The following EXOC4 variants were observed in gnomAD, a reference collection of about 807,000 sequenced individuals.
The protein encoded by EXOC4 is exocyst complex component 4.
EXOC4 carries 71 observed loss-of-function variants against 107.2 expected under a neutral mutation model. That is an observed-to-expected ratio of 0.66 (90% CI 0.55 to 0.81). The LOEUF (loss-of-function observed/expected upper bound fraction) is 0.81, where lower values mean the gene tolerates loss of function less well. EXOC4 is among the 30% of genes least tolerant of loss of function. The pLI is 0.00. For synonymous variants in EXOC4, 456 were observed against 441.2 expected (o/e 1.03, Z -0.42); for missense variants, 1,108 against 1,189.6 (o/e 0.93, Z 1.01).
chr7:133,866,848 C>G (rs1297319124), intron 11 of EXOC4, among the ~76,000 whole-genome samples: 2 of 152,166 alleles, frequency 1.3e-5, no homozygotes, highest in South Asian at 4.1e-4. Context: ...CTAACACATC[C>G]CATTTAAAAC....
intron 2 of EXOC4, among the ~76,000 whole-genome samples, chr7:133,279,883 T>C: frequency 6.6e-6 from 1 of 152,208 alleles, no homozygotes; most frequent in East Asian, 1.9e-4. Context: ...AGATTCTATG[T>C]TTTTGAGGAT....
chr7:133,535,656 A>C (rs768431752), intron 9 of EXOC4, among the ~76,000 whole-genome samples: 5 of 152,210 alleles, frequency 3.3e-5, no homozygotes, highest in Non-Finnish European at 7.3e-5. Flanking sequence ...TTTTTAAAGC[A>C]ATATCAACTC....
intron 17 of EXOC4, among the ~76,000 whole-genome samples, chr7:134,051,090 G>A (rs1434205435): frequency 6.6e-6 from 1 of 152,216 alleles, no homozygotes; most frequent in Non-Finnish European, 1.5e-5. Context: ...GGTTTTGCAA[G>A]CTAGTTCCGT....
intron 11 of EXOC4, among the ~76,000 whole-genome samples, chr7:133,851,140 T>A (rs921898438): frequency 1.3e-5 from 2 of 152,150 alleles, no homozygotes; most frequent in Admixed American, 6.5e-5. Flanking sequence ...CTGTTCTCCT[T>A]TGGGCACTAT....
the EXOC4 span, among the ~76,000 whole-genome samples, chr7:134,088,596 A>C: frequency 1.3e-5 from 2 of 152,188 alleles, no homozygotes; most frequent in South Asian, 4.1e-4. Context: ...TCAGTTCTCC[A>C]TGAGAGTTCT....
At chr7:133,711,867 G>GTTTA (rs1178554591) in intron 10 of EXOC4, among the ~76,000 whole-genome samples, 3 of 151,936 alleles carry the variant, frequency 2.0e-5, no homozygotes, top group Non-Finnish European at 4.4e-5. Context: ...ATGCCTTCCT[G>GTTTA]TTTATTTATT....
chr7:133,679,895 G>T (rs1423697575), intron 10 of EXOC4, among the ~76,000 whole-genome samples: 17 of 152,216 alleles, frequency 1.1e-4, no homozygotes. Context: ...GGAAAAGAAG[G>T]TTTAGAGTGG....
chr7:133,530,143 C>G (rs1047394581), intron 9 of EXOC4, among the ~76,000 whole-genome samples: 28 of 152,314 alleles, frequency 1.8e-4, no homozygotes, highest in Middle Eastern at 3.4e-3. Flanking sequence ...CTACGCTACA[C>G]TGCCGAGGAA....
At chr7:133,605,742 A>G (rs1332152701) in intron 9 of EXOC4, among the ~76,000 whole-genome samples, 1 of 152,104 alleles carries the variant, frequency 6.6e-6, no homozygotes, top group Non-Finnish European at 1.5e-5. Context: ...TTCAGGAGAG[A>G]GGTCTGGGCT....
At chr7:133,923,694 A>T (rs73156939) in intron 13 of EXOC4, among the ~76,000 whole-genome samples, 18,184 of 152,134 alleles carry the variant, frequency 0.12, 1,185 homozygotes, top group Middle Eastern at 0.15. Context: ...ATCTTCTCCC[A>T]CTGTACAGGC....
chr7:133,671,655 G>A (rs1405492120), intron 10 of EXOC4, among the ~76,000 whole-genome samples: 1 of 152,136 alleles, frequency 6.6e-6, no homozygotes, highest in African/African-American at 2.4e-5. Context: ...GCAGAGAGCA[G>A]AAAGCCATTG....
intron 10 of EXOC4, among the ~76,000 whole-genome samples, chr7:133,795,099 G>T (rs752549209): frequency 6.6e-6 from 1 of 151,934 alleles, no homozygotes; most frequent in East Asian, 1.9e-4. Flanking sequence ...CAAGTATTAC[G>T]CAGCCAGCTC....
At chr7:133,883,761 C>A (rs1419742515) in intron 11 of EXOC4, among the ~76,000 whole-genome samples, 1 of 152,146 alleles carries the variant, frequency 6.6e-6, no homozygotes, top group Non-Finnish European at 1.5e-5. Context: ...GATTACTCTG[C>A]GTTCAGGGTG....
chr7:133,743,430 T>A (rs1013934071), intron 10 of EXOC4, among the ~76,000 whole-genome samples: 1 of 152,164 alleles, frequency 6.6e-6, no homozygotes, highest in Non-Finnish European at 1.5e-5. Context: ...ATGGGAAGAA[T>A]AGATGTTGAT....
intron 10 of EXOC4, among the ~76,000 whole-genome samples, chr7:133,691,713 T>C (rs745973073): frequency 6.6e-6 from 1 of 152,016 alleles, no homozygotes. Context: ...CAGGGAGTAA[T>C]ACAATAAAGA....
rs559943916 is a variant in EXOC4, at chr7:133,879,737, A to G, written c.1735-15862A>G. On this transcript the variant is annotated intron_variant, in intron 11 of 17. Coordinates refer to ENST00000253861, the MANE Select transcript of EXOC4 (RefSeq NM_021807.4). ...GATTTTGAAGTATCATAGACTATCTATATATTTAATATCTTTGACACGCCC... is the reference window on the plus strand; with the variant it reads ...GATTTTGAAGTATCATAGACTATCTGTATATTTAATATCTTTGACACGCCC... Among the ~76,000 whole-genome samples the G allele has an allele frequency of 1.9e-3, 297 of 152,318 alleles. 1 individual carries two copies. In the Middle Eastern group the frequency reaches 0.031, roughly 16 times the overall value.
chr7:133,984,512 G>GA (rs1311376558), intron 14 of EXOC4, among the ~76,000 whole-genome samples: 2 of 151,956 alleles, frequency 1.3e-5, no homozygotes, highest in Admixed American at 6.6e-5. Flanking sequence ...AAAATATAAT[G>GA]AAAAAAATGG....
chr7:133,519,067 CAA>C (rs1299101872), intron 9 of EXOC4, among the ~76,000 whole-genome samples: 6 of 152,074 alleles, frequency 3.9e-5, no homozygotes, highest in South Asian at 2.1e-4. Context: ...AAATATCTAA[CAA>C]GAGAGAAAAG....
intron 9 of EXOC4, among the ~76,000 whole-genome samples, chr7:133,575,683 G>T (rs573112198): frequency 6.6e-6 from 1 of 152,158 alleles, no homozygotes; most frequent in Admixed American, 6.5e-5. Context: ...AGCAAAGAGG[G>T]TTTAAATCAT....
Sources: gnomAD v4.1 joint callset for allele counts (sites outside exome capture counted in the v4.1 genomes callset) on GRCh38, gnomAD v4.1.1 for gene constraint, MANE v1.5 for transcripts, NCBI Gene and HGNC (gene_info 2026-07-23, HGNC 2026-07-21) for gene names.